AFG2B: variants seen among roughly 807,000 people sequenced by gnomAD.
The protein encoded by AFG2B is AAA ATPase AFG2B, also known as ATPase family gene 2 protein homolog B.
chr15:45,412,023 G>C, the AFG2B span, among the ~76,000 whole-genome samples: 1 of 147,336 alleles, frequency 6.8e-6, no homozygotes, highest in South Asian at 2.2e-4. Context: ...GCTTGAACCC[G>C]GGAGGTGGAG....
the AFG2B span, among the ~76,000 whole-genome samples, chr15:45,419,422 G>A: frequency 1.3e-5 from 2 of 151,380 alleles, no homozygotes; most frequent in African/African-American, 2.4e-5. Context: ...AGATCGTGCC[G>A]CTGCACTCCA....
At chr15:45,408,806 GC>G in the AFG2B span, among the ~76,000 whole-genome samples, 1 of 152,126 alleles carries the variant, frequency 6.6e-6, no homozygotes, top group Non-Finnish European at 1.5e-5. Flanking sequence ...GATCACTTGA[GC>G]CCAGGTGTTC....
the AFG2B span, among the ~76,000 whole-genome samples, chr15:45,407,884 G>A: frequency 6.6e-6 from 1 of 152,178 alleles, no homozygotes; most frequent in Admixed American, 6.5e-5. Flanking sequence ...GAATGATCAA[G>A]GAGAATGTAA....
the AFG2B span, chr15:45,418,524 A>G: frequency 6.4e-7 from 1 of 1,553,894 alleles, no homozygotes; most frequent in East Asian, 2.3e-5. Flanking sequence ...AAATGTTATA[A>G]GATTTAAAAT....
At chr15:45,405,567 G>T in the AFG2B span, 2 of 1,522,800 alleles carry the variant, frequency 1.3e-6, no homozygotes, top group Admixed American at 2.0e-5. Flanking sequence ...TTAATTTGGG[G>T]GTTAAAAAAA....
At chr15:45,407,359 T>G in the AFG2B span, 4 of 539,138 alleles carry the variant, frequency 7.4e-6, no homozygotes, top group East Asian at 3.2e-4. Context: ...GGATTAGAAC[T>G]GTAGTTTAAC....
chr15:45,405,500 G>A, the AFG2B span: 1 of 1,612,604 alleles, frequency 6.2e-7, no homozygotes, highest in Non-Finnish European at 8.5e-7. Flanking sequence ...CCTTCATAGT[G>A]AGAAGGTAAG....
At chr15:45,402,598 T>C in the AFG2B span, 3 of 1,572,170 alleles carry the variant, frequency 1.9e-6, no homozygotes, top group Non-Finnish European at 2.6e-6. Flanking sequence ...CGGCGGCTCC[T>C]GCCTCTGCAC....
the AFG2B span, chr15:45,415,841 A>G: frequency 1.3e-6 from 2 of 1,501,824 alleles, no homozygotes; most frequent in Admixed American, 1.9e-5. Context: ...CCTAAAATCC[A>G]GGCCAACATT....
chr15:45,413,563 T>G, the AFG2B span, among the ~76,000 whole-genome samples: 2 of 152,214 alleles, frequency 1.3e-5, no homozygotes, highest in South Asian at 4.1e-4. Context: ...TATCCATCCC[T>G]TCCACACCAT....
the AFG2B span, chr15:45,402,392 C>T: frequency 6.4e-7 from 1 of 1,559,006 alleles, no homozygotes. Context: ...GGGTGGGTTT[C>T]CTAATCTGGT....
the AFG2B span, among the ~76,000 whole-genome samples, chr15:45,415,161 A>G: frequency 6.6e-6 from 1 of 152,134 alleles, no homozygotes; most frequent in African/African-American, 2.4e-5. Flanking sequence ...CTCATTCCCC[A>G]ATTCATAGAC....
chr15:45,414,963 G>T, the AFG2B span, among the ~76,000 whole-genome samples: 1 of 152,018 alleles, frequency 6.6e-6, no homozygotes, highest in African/African-American at 2.4e-5. Context: ...CCTACCTACT[G>T]TTAACATTTT....
the AFG2B span, chr15:45,402,414 G>A: frequency 1.3e-6 from 2 of 1,585,640 alleles, no homozygotes; most frequent in Non-Finnish European, 1.7e-6. Flanking sequence ...TCGTCTGCCT[G>A]GTTCATCTGT....
chr15:45,405,219 A>G, the AFG2B span: 5 of 1,184,938 alleles, frequency 4.2e-6, no homozygotes, highest in African/African-American at 6.2e-5. Context: ...TCTGGTTGCT[A>G]TCATTCTGCT....
chr15:45,402,904 CTGG>C, the AFG2B span: 2 of 1,598,402 alleles, frequency 1.3e-6, no homozygotes, highest in Non-Finnish European at 1.7e-6. Context: ...CGCTCCTGGC[CTGG>C]TGGCTGCCTT....
At chr15:45,402,963 C>T in the AFG2B span, 1 of 1,596,590 alleles carries the variant, frequency 6.3e-7, no homozygotes, top group Non-Finnish European at 8.5e-7. Context: ...CTGGGCTGGT[C>T]ACCCCTCGTA....
the AFG2B span, among the ~76,000 whole-genome samples, chr15:45,414,165 T>G: frequency 6.6e-6 from 1 of 152,154 alleles, no homozygotes; most frequent in Non-Finnish European, 1.5e-5. Context: ...TAGGAAAGAC[T>G]AACTCCAAGG....
At chr15:45,403,033 C>G in the AFG2B span, 1 of 1,573,712 alleles carries the variant, frequency 6.4e-7, no homozygotes, top group Non-Finnish European at 8.6e-7. Context: ...CGAGGTGCCC[C>G]TGGGAGGTCT....
Sources: gnomAD v4.1 joint callset for allele counts (sites outside exome capture counted in the v4.1 genomes callset) on GRCh38, gnomAD v4.1.1 for gene constraint, MANE v1.5 for transcripts, NCBI Gene and HGNC (gene_info 2026-07-23, HGNC 2026-07-21) for gene names.